BICC1: variants seen among roughly 807,000 people sequenced by gnomAD.
BICC1 encodes protein bicaudal C homolog 1.
BICC1 carries 43 observed loss-of-function variants against 111.0 expected under a neutral mutation model. That is an observed-to-expected ratio of 0.39 (90% CI 0.30 to 0.50). The LOEUF is 0.50. Ranked by LOEUF, BICC1 falls within the 20% of genes least tolerant of loss-of-function variation. The probability of loss-of-function intolerance (pLI) is 0.88; values close to 1 mark genes in which losing one functional copy is unlikely to be tolerated. For synonymous variants in BICC1, 467 were observed against 434.4 expected (o/e 1.07, Z -0.93); for missense variants, 1,091 against 1,203.2 (o/e 0.91, Z 1.38).
chr10:58,795,585 G>A (rs548529306), intron 9 of BICC1, among the ~76,000 whole-genome samples: 89 of 152,036 alleles, frequency 5.9e-4, no homozygotes, highest in Middle Eastern at 3.4e-3. Flanking sequence ...AGCATCCCAG[G>A]GCCATTTAAT....
At chr10:58,653,924 A>G (rs1437177416) in intron 2 of BICC1, among the ~76,000 whole-genome samples, 5 of 150,130 alleles carry the variant, frequency 3.3e-5, no homozygotes, top group Non-Finnish European at 7.4e-5. Flanking sequence ...GAGTGAGACT[A>G]TGCGGTGTTT....
intron 1 of BICC1, among the ~76,000 whole-genome samples, chr10:58,517,237 T>G (rs1270256614): frequency 6.6e-6 from 1 of 152,122 alleles, no homozygotes; most frequent in East Asian, 1.9e-4. Context: ...GATTGACATC[T>G]GGTGGGATTT....
chr10:58,807,114 G>T lies in BICC1; in HGVS notation c.2332G>T (p.Ala778Ser), dbSNP rs770896488. 2 of 1,613,866 alleles carry T rather than the reference G, an allele frequency of 1.2e-6. No individual in the cohort carries two copies. Among genetic ancestry groups the T allele is most frequent in the South Asian group, 1.1e-5 (1 of 91,072 alleles). Residue 778 changes from alanine to serine, a missense_variant, in exon 17 of 21, where the codon GCC (alanine) becomes TCC (serine). By Grantham distance (99) the Ala-to-Ser change is moderately conservative (BLOSUM62 1). Coordinates refer to ENST00000373886, the MANE Select transcript of BICC1 (RefSeq NM_001080512.3). ...TGAAACTATCAAGGAGTTGAGAAGG[G>T]CCAATCATGTGTCCTATAAGCCCAC... ...PAETIKELRR[A>S]NHVSYKPTMT...
chr10:58,769,706 A>G (rs886224902), intron 3 of BICC1, among the ~76,000 whole-genome samples: 1 of 151,982 alleles, frequency 6.6e-6, no homozygotes, highest in Non-Finnish European at 1.5e-5. Flanking sequence ...ATTTTTGTTT[A>G]GAAAATATTT....
intron 12 of BICC1, 151 bp from the exon 13 acceptor site, chr10:58,800,043 T>G (rs1293667394): frequency 3.4e-6 from 2 of 593,036 alleles, no homozygotes; most frequent in Non-Finnish European, 6.0e-6. Flanking sequence ...TGTTTTGTAG[T>G]TCTCCTTGTA....
intron 1 of BICC1, among the ~76,000 whole-genome samples, chr10:58,552,435 A>G (rs1407435655): frequency 6.6e-6 from 1 of 151,982 alleles, no homozygotes; most frequent in East Asian, 1.9e-4. Flanking sequence ...TCCCGGGTTC[A>G]TGCCATTCTC....
chr10:58,686,021 G>A (rs1313753937), intron 2 of BICC1, among the ~76,000 whole-genome samples: 1 of 152,042 alleles, frequency 6.6e-6, no homozygotes, highest in Non-Finnish European at 1.5e-5. Flanking sequence ...CCTTTCCTTG[G>A]TTAGTGCTTC....
At chr10:58,799,584 G>A (rs1589150797) in intron 12 of BICC1, among the ~76,000 whole-genome samples, 1 of 151,972 alleles carries the variant, frequency 6.6e-6, no homozygotes, top group Non-Finnish European at 1.5e-5. Context: ...TTTTCCCAGC[G>A]CCAGTTATTG....
intron 1 of BICC1, among the ~76,000 whole-genome samples, chr10:58,550,050 C>CT (rs1843254590): frequency 6.6e-6 from 1 of 152,002 alleles, no homozygotes; most frequent in Non-Finnish European, 1.5e-5. Flanking sequence ...GGGTCTTGCT[C>CT]TATCACCTTG....
intron 3 of BICC1, among the ~76,000 whole-genome samples, chr10:58,770,155 G>A (rs1216891619): frequency 6.6e-6 from 1 of 151,980 alleles, no homozygotes; most frequent in Non-Finnish European, 1.5e-5. Context: ...CTAATATGTA[G>A]GTATCATTGA....
intron 17 of BICC1, among the ~76,000 whole-genome samples, chr10:58,808,391 C>T (rs1419186990): frequency 6.6e-6 from 1 of 152,118 alleles, no homozygotes; most frequent in African/African-American, 2.4e-5. Flanking sequence ...TCCTTTCAGC[C>T]CATCCTTGCT....
At chr10:58,610,789 G>A (rs143696383) in intron 1 of BICC1, among the ~76,000 whole-genome samples, 27 of 151,962 alleles carry the variant, frequency 1.8e-4, no homozygotes, top group African/African-American at 6.3e-4. Context: ...CATTTTGGAG[G>A]GTGTCTATTT....
At chr10:58,722,833 AT>A (rs1460263268) in intron 3 of BICC1, among the ~76,000 whole-genome samples, 14 of 152,190 alleles carry the variant, frequency 9.2e-5, no homozygotes, top group Admixed American at 9.2e-4. Context: ...AAGGAAGCTT[AT>A]TTGAGTGAGC....
At chr10:58,808,206 T>C (rs1197528231) in intron 17 of BICC1, among the ~76,000 whole-genome samples, 1 of 152,130 alleles carries the variant, frequency 6.6e-6, no homozygotes, top group African/African-American at 2.4e-5. Flanking sequence ...AGATTGAAGT[T>C]ACCTTCAGCA....
chr10:58,764,650 G>A (rs202130285), intron 3 of BICC1, among the ~76,000 whole-genome samples: 9 of 49,910 alleles, frequency 1.8e-4, no homozygotes, highest in Admixed American at 1.8e-3. Flanking sequence ...TTTTTTTTTT[G>A]TTCTAGGCTT....
intron 1 of BICC1, among the ~76,000 whole-genome samples, chr10:58,619,592 A>T (rs1253281454): frequency 6.6e-6 from 1 of 151,186 alleles, no homozygotes; most frequent in Non-Finnish European, 1.5e-5. Flanking sequence ...CTCCTGCCTC[A>T]GCCTCTCAAA....
chr10:58,543,234 G>A (rs1198090507), intron 1 of BICC1, among the ~76,000 whole-genome samples: 2 of 152,066 alleles, frequency 1.3e-5, no homozygotes, highest in Non-Finnish European at 2.9e-5. Flanking sequence ...AAACCTGGAG[G>A]TCATCATGCT....
chr10:58,529,361 G>A (rs760536914), intron 1 of BICC1, among the ~76,000 whole-genome samples: 8 of 151,846 alleles, frequency 5.3e-5, no homozygotes, highest in East Asian at 1.9e-4. Context: ...CAGATTTCAA[G>A]TATTTTCAGA....
rs148726858 is a variant in BICC1 at position 58,790,123 on chromosome 10, T to A, written c.1047+190T>A. ...TTCATAGTGCCTCAACAGGTTTAAT[T>A]TCATTGCATATGTAATTTTATTTCA... On this transcript the variant is annotated intron_variant, in intron 8 of 20. Coordinates refer to ENST00000373886, the MANE Select transcript of BICC1 (RefSeq NM_001080512.3). 8.5e-5 allele frequency among the ~76,000 whole-genome samples: 13 copies of A among 152,360 alleles called. 1 individual carries two copies. The East Asian group carries it at 2.5e-3, about 29-fold the overall frequency.
Sources: gnomAD v4.1 joint callset for allele counts (sites outside exome capture counted in the v4.1 genomes callset) on GRCh38, gnomAD v4.1.1 for gene constraint, MANE v1.5 for transcripts, NCBI Gene and HGNC (gene_info 2026-07-23, HGNC 2026-07-21) for gene names.